TRPC4: variants seen among roughly 807,000 people sequenced by gnomAD.
The protein encoded by TRPC4 is short transient receptor potential channel 4.
In TRPC4, 49 loss-of-function variants were observed where a neutral mutation model predicts 99.4. That is an observed-to-expected ratio of 0.49 (90% CI 0.39 to 0.63). The LOEUF (loss-of-function observed/expected upper bound fraction) is 0.63, where lower values mean the gene tolerates loss of function less well. Among genes scored for constraint, TRPC4 ranks in the 20% least tolerant of loss-of-function variants. TRPC4 has a pLI of 0.00. For missense variants in TRPC4, 898 were observed against 1,152.9 expected, an observed-to-expected ratio of 0.78 and a Z score of 3.20; for synonymous variants, 454 against 425.9, an observed-to-expected ratio of 1.07 and a Z score of -0.81.
At chr13:37,823,725 T>C (rs1384048823) in intron 1 of TRPC4, among the ~76,000 whole-genome samples, 1 of 148,650 alleles carries the variant, frequency 6.7e-6, no homozygotes, top group East Asian at 2.0e-4. Flanking sequence ...AGCTTTGTTC[T>C]TTTGGCTTAG....
intron 1 of TRPC4, among the ~76,000 whole-genome samples, chr13:37,834,356 A>G (rs1958502813): frequency 1.3e-5 from 2 of 152,132 alleles, no homozygotes; most frequent in Non-Finnish European, 2.9e-5. Flanking sequence ...TGACTATTTT[A>G]TGTTTTTAGT....
intron 8 of TRPC4, among the ~76,000 whole-genome samples, chr13:37,644,953 T>C (rs1951827617): frequency 6.7e-6 from 1 of 149,632 alleles, no homozygotes; most frequent in South Asian, 2.1e-4. Flanking sequence ...AGATTGGTTG[T>C]GAGTTGTGTT....
chr13:37,779,772 T>C (rs1234563545), intron 2 of TRPC4, among the ~76,000 whole-genome samples: 3 of 152,084 alleles, frequency 2.0e-5, no homozygotes, highest in African/African-American at 7.2e-5. Context: ...ACTACGCATG[T>C]CCAATTTGGT....
At chr13:37,743,374 G>C (rs1955647246) in intron 3 of TRPC4, among the ~76,000 whole-genome samples, 2 of 152,042 alleles carry the variant, frequency 1.3e-5, no homozygotes, top group Non-Finnish European at 2.9e-5. Flanking sequence ...CCATTGCTTT[G>C]CTTCTTAGAT....
chr13:37,814,259 G>T (rs1468667108), intron 1 of TRPC4, among the ~76,000 whole-genome samples: 1 of 151,592 alleles, frequency 6.6e-6, no homozygotes, highest in Non-Finnish European at 1.5e-5. Context: ...TCCCTGAGAT[G>T]GTGAACAAGA....
intron 3 of TRPC4, among the ~76,000 whole-genome samples, chr13:37,706,042 T>TA (rs1359873480): frequency 2.6e-5 from 4 of 152,176 alleles, no homozygotes; most frequent in Non-Finnish European, 5.9e-5. Context: ...ACCTTAAACA[T>TA]ACATTTACAA....
chr13:37,856,730 C>T (rs1489494234), intron 1 of TRPC4, among the ~76,000 whole-genome samples: 1 of 151,578 alleles, frequency 6.6e-6, no homozygotes, highest in Non-Finnish European at 1.5e-5. Context: ...GTTCAACATA[C>T]ACAAATCAAT....
At chr13:37,814,084 A>C (rs1957776075) in intron 1 of TRPC4, among the ~76,000 whole-genome samples, 1 of 151,926 alleles carries the variant, frequency 6.6e-6, no homozygotes, top group African/African-American at 2.4e-5. Context: ...CCACATCATC[A>C]CAACAATAGA....
At chr13:37,646,748 A>C (rs986124332) in intron 8 of TRPC4, among the ~76,000 whole-genome samples, 16 of 152,240 alleles carry the variant, frequency 1.1e-4, no homozygotes, top group African/African-American at 3.6e-4. Flanking sequence ...AATGATAAGA[A>C]GGGTATTTGC....
At chr13:37,702,737 C>T (rs1954140485) in intron 3 of TRPC4, among the ~76,000 whole-genome samples, 1 of 152,102 alleles carries the variant, frequency 6.6e-6, no homozygotes, top group African/African-American at 2.4e-5. Context: ...GGGGACCCTA[C>T]ACATAGGCAG....
intron 2 of TRPC4, among the ~76,000 whole-genome samples, chr13:37,777,524 A>T (rs1422874619): frequency 6.6e-6 from 1 of 151,872 alleles, no homozygotes; most frequent in East Asian, 1.9e-4. Context: ...AATATTGGGG[A>T]TTAAATTCAA....
At chr13:37,706,068 A>G (rs1954264762) in intron 3 of TRPC4, among the ~76,000 whole-genome samples, 3 of 152,048 alleles carry the variant, frequency 2.0e-5, no homozygotes, top group South Asian at 4.2e-4. Context: ...CCTATCCCCT[A>G]TATCTCCAGC....
intron 2 of TRPC4, among the ~76,000 whole-genome samples, chr13:37,767,534 A>G (rs17056596): frequency 0.1 from 15,104 of 151,270 alleles, 1,102 homozygotes; most frequent in African/African-American, 0.21. Flanking sequence ...CCCGTACTCC[A>G]CTTAAAATAT....
rs1348722736 is a variant in TRPC4 at position 37,745,505 on chromosome 13, T to A, written c.897+432A>T. Among the ~76,000 whole-genome samples the A allele has an allele frequency of 7.7e-5, 10 of 129,236 alleles. No individual in the cohort carries two copies. The East Asian group carries it at 2.3e-3, about 29-fold the overall frequency. The allele number at this position is 129,236 out of a possible 152,430, so 84.8% of individuals were successfully genotyped here. A position where few individuals can be genotyped will look rare whatever the true frequency, so the allele number is the denominator to read the frequency against. The stretch of plus-strand genomic sequence containing the variant: ...ACACACACACTTATATATACGTATA[T>A]ATGTATATATATACGTATATATGTA... On this transcript the variant is annotated intron_variant, in intron 3 of 10. Coordinates refer to ENST00000379705, the MANE Select transcript of TRPC4 (RefSeq NM_016179.4).
intron 1 of TRPC4, among the ~76,000 whole-genome samples, chr13:37,794,186 T>A (rs1324529724): frequency 7.4e-6 from 1 of 135,196 alleles, no homozygotes; most frequent in Non-Finnish European, 1.6e-5. Context: ...TTAAGAAAGG[T>A]TACATATGGG....
At position 37,746,380 on chromosome 13, in the gene TRPC4, T is replaced by C. The variant is rs1169444968; in HGVS notation, c.454A>G (p.Thr152Ala). 6.2e-7 allele frequency: 1 copy of C among 1,613,540 alleles called. No individual in the cohort carries two copies. The highest frequency in any genetic ancestry group is 1.1e-5 in the South Asian group (1 of 91,062). The change falls in exon 3 of 11, where the codon ACA (threonine) becomes GCA (alanine). Residue 152 changes from threonine to alanine, a missense_variant. Around this residue, in one of 3 missense-constraint regions of TRPC4, gnomAD observed 278 missense variants for 346.6 expected, o/e 0.80. Transcript: ENST00000379705. ...AGTTTTATTATCTCATAATTATTTG[T>C]ATGGGCTGCCAAAATGATTGGTGTA... The part of the protein sequence containing the change: ...DITPIILAAH[T>A]NNYEIIKLLV...
At chr13:37,869,472 G>C (rs554441929) in intron 1 of TRPC4, 123 bp downstream of exon 1, 30 of 152,370 alleles carry the variant, frequency 2.0e-4, no homozygotes, top group African/African-American at 5.8e-4. Flanking sequence ...AACCCCGCAG[G>C]GATGTCCGCC....
intron 1 of TRPC4, among the ~76,000 whole-genome samples, chr13:37,810,432 A>G (rs1430045900): frequency 3.9e-5 from 6 of 152,090 alleles, no homozygotes; most frequent in Non-Finnish European, 7.4e-5. Flanking sequence ...TCTTGATACT[A>G]TACTAAATAT....
chr13:37,746,241 T>C lies in TRPC4; in HGVS notation c.593A>G (p.Asn198Ser), dbSNP rs201533662. The change falls in exon 3 of 11, where the codon AAC (asparagine) becomes AGC (serine). Residue 198 changes from asparagine (N) to serine (S), a missense_variant. By Grantham distance (46) the Asn-to-Ser change is conservative. This residue lies in a region of TRPC4 where 278 missense variants were observed against 346.6 expected (regional missense o/e 0.80). Transcript: ENST00000379705. ...GGGACTGGCCAAGGCCTTGTAGATGTTGAGTCTGGAGCGTGAGTGACGGAG... is the reference window on the plus strand; with the variant it reads ...GGGACTGGCCAAGGCCTTGTAGATGCTGAGTCTGGAGCGTGAGTGACGGAG... ...DSLRHSRSRL[N>S]IYKALASPSL... 1.9e-6 allele frequency: 3 copies of C among 1,613,866 alleles called. No homozygotes were observed. The highest frequency in any genetic ancestry group is 4.5e-5 in the East Asian group (2 of 44,776).
Sources: allele counts gnomAD v4.1 joint callset (sites outside exome capture counted in the v4.1 genomes callset), GRCh38; gene constraint gnomAD v4.1.1; regional missense constraint gnomAD v4.1.1; transcripts MANE v1.5; gene names NCBI Gene and HGNC (gene_info 2026-07-23, HGNC 2026-07-21).